The following CCK variants were observed in gnomAD, a reference collection of about 807,000 sequenced individuals.
CCK encodes the protein cholecystokinin triacontatriapeptide.
Under a neutral mutation model 10.1 loss-of-function variants are expected in CCK, and 11 were observed. That is an observed-to-expected ratio of 1.09 (90% CI 0.69 to 1.81). The LOEUF is 1.81. CCK is among the 40% of genes most tolerant of loss of function. CCK has a pLI of 0.00. For missense variants in CCK, 137 were observed against 159.9 expected, an observed-to-expected ratio of 0.86 and a Z score of 0.77; for synonymous variants, 83 against 71.9, an observed-to-expected ratio of 1.15 and a Z score of -0.78.
intron 4 of CCK, 35 bp downstream of exon 4, chr3:42,263,382 G>T: frequency 1.2e-6 from 2 of 1,614,106 alleles, no homozygotes; most frequent in Non-Finnish European, 1.7e-6. Context: ...TGGGAACAAG[G>T]GCAGAAGTGA....
intron 3 of CCK, 114 bp from the exon 4 acceptor site, chr3:42,263,746 G>T (rs1168594000): frequency 1.1e-5 from 16 of 1,416,718 alleles, no homozygotes; most frequent in Non-Finnish European, 1.4e-5. Flanking sequence ...CTCCAGACCC[G>T]CCAGGCCGCC....
At chr3:42,264,132 G>T (rs557707588) in intron 3 of CCK, among the ~76,000 whole-genome samples, 3 of 144,458 alleles carry the variant, frequency 2.1e-5, no homozygotes, top group Non-Finnish European at 3.0e-5. Flanking sequence ...TTAAAATGTA[G>T]GAGCAATAAA....
rs11571865 is a variant in CCK, at chr3:42,260,019, C to T, written c.215-1788G>A. ...TACCCATAGGCTGAGTAGAGTCAGA[C>T]TATGGCTTATGTGTTGATAAATGAA... is the stretch of plus-strand genomic sequence containing the variant. On this transcript the variant is annotated intron_variant, in intron 4 of 4. Coordinates refer to ENST00000396169, the MANE Select transcript of CCK (RefSeq NM_000729.6). Among the ~76,000 whole-genome samples the T allele has an allele frequency of 6.4e-4, 97 of 152,282 alleles. 1 individual carries two copies. The highest frequency in any genetic ancestry group is 2.3e-3 in the African/African-American group (96 of 41,566).
chr3:42,261,384 T>C (rs1711208442), intron 4 of CCK, among the ~76,000 whole-genome samples: 1 of 152,204 alleles, frequency 6.6e-6, no homozygotes, highest in African/African-American at 2.4e-5. Flanking sequence ...TTCATGTTTG[T>C]CACATAGAAG....
Position 42,263,427 on chromosome 3 carries a change from C to T in CCK, c.204G>A (p.Gln68=). 2 of 1,614,196 alleles carry T rather than the reference C, an allele frequency of 1.2e-6. No individual in the cohort carries two copies. Among genetic ancestry groups the T allele is most frequent in the Non-Finnish European group, 1.7e-6 (2 of 1,180,032 alleles). ...AGGCAGCATTCTTACCTTTCCGGGC[C>T]TGCTGGATGTATCTTGCCAGCAGGG... is the stretch of plus-strand genomic sequence containing the variant. ...LGALLARYIQ[Q]ARKAPSGRMS... Residue 68 remains glutamine, a synonymous_variant, in exon 4 of 5, where the codon CAG becomes CAA. Coordinates refer to ENST00000396169, the MANE Select transcript of CCK (RefSeq NM_000729.6).
chr3:42,263,425 GC>G lies in CCK; in HGVS notation c.205del (p.Ala69ProfsTer24), dbSNP rs1267467432. Reference protein sequence around the residue: ...GALLARYIQQARKAPSGRMSI... With the variant: ...GALLARYIQQXRKAPSGRMSI... ...GGAGGCAGCATTCTTACCTTTCCGG[GC>G]CTGCTGGATGTATCTTGCCAGCAGG... On this transcript the variant is annotated frameshift_variant, in exon 4 of 5. Coordinates refer to ENST00000396169, the MANE Select transcript of CCK (RefSeq NM_000729.6). LOFTEE classifies it high-confidence loss of function. 1 of 1,614,024 alleles carries G rather than the reference GC, an allele frequency of 6.2e-7. No homozygotes were observed. The highest frequency in any genetic ancestry group is 2.2e-5 in the East Asian group (1 of 44,874).
At chr3:42,262,000 T>C (rs901352668) in intron 4 of CCK, among the ~76,000 whole-genome samples, 1 of 152,164 alleles carries the variant, frequency 6.6e-6, no homozygotes, top group African/African-American at 2.4e-5. Context: ...CACTGATTTG[T>C]TCTTTCCTTC....
At chr3:42,265,602 C>T (rs1434863952) in intron 1 of CCK, 82 bp downstream of exon 1, 3 of 152,320 alleles carry the variant, frequency 2.0e-5, no homozygotes, top group African/African-American at 7.2e-5. Context: ...ACCACCGCAC[C>T]CCCGCAAGCT....
At chr3:42,258,747 CGTT>C (rs1233188812) in intron 4 of CCK, among the ~76,000 whole-genome samples, 1 of 152,026 alleles carries the variant, frequency 6.6e-6, no homozygotes, top group Non-Finnish European at 1.5e-5. Flanking sequence ...AAAAAAAAAT[CGTT>C]GGTGGGAGTG....
chr3:42,263,345 T>C, intron 4 of CCK, 72 bp downstream of exon 4: 1 of 1,610,298 alleles, frequency 6.2e-7, no homozygotes, highest in Non-Finnish European at 8.5e-7. Flanking sequence ...AGGCTAGCGC[T>C]AGAGAAGAGG....
Position 42,263,492 on chromosome 3 carries a change from A to G in CCK, c.139T>C (p.Ser47Pro). 1.2e-6 allele frequency: 2 copies of G among 1,614,096 alleles called. No individual in the cohort carries two copies. The highest frequency in any genetic ancestry group is 1.7e-6 in the Non-Finnish European group (2 of 1,180,008). Residue 47 changes from serine (S) to proline (P), a missense_variant, in exon 4 of 5, where the codon TCG becomes CCG. Transcript: ENST00000396169. ...EEAPRRQLRV[S>P]QRTDGESRAH... ...CGGGACTCGCCATCCGTTCTCTGCGATACCCTCAGCTGCCTACGGGGCGCC... is the reference window on the plus strand; with the variant it reads ...CGGGACTCGCCATCCGTTCTCTGCGGTACCCTCAGCTGCCTACGGGGCGCC...
At chr3:42,258,329 A>G (rs534428112) in intron 4 of CCK, 98 bp from the exon 5 acceptor site, 1 of 1,321,894 alleles carries the variant, frequency 7.6e-7, no homozygotes, top group Non-Finnish European at 1.1e-6. Context: ...CAGACGCAAT[A>G]TAACAGACAC....
intron 4 of CCK, among the ~76,000 whole-genome samples, chr3:42,259,552 G>A (rs1711185005): frequency 6.6e-6 from 1 of 152,062 alleles, no homozygotes; most frequent in Non-Finnish European, 1.5e-5. Flanking sequence ...ACCTCAGTAA[G>A]ACTCAAAGAA....
In CCK at chr3:42,263,738, C is replaced by G. The variant is rs1429041469; in HGVS notation, c.-2-106G>C. The G allele has an allele frequency of 9.8e-6, 14 of 1,425,008 alleles. No homozygotes were observed. In the African/African-American group the frequency reaches 2.0e-4, roughly 21 times the overall value. The allele number at this position is 1,425,008 out of a possible 1,614,324, so 88.3% of individuals were successfully genotyped here. On this transcript the variant is annotated intron_variant, in intron 3 of 4. Transcript: ENST00000396169. ...CGGGCTTAGGACAAACACAGGTGCT[C>G]CAGACCCGCCAGGCCGCCGCAAGCA... is the stretch of plus-strand genomic sequence containing the variant.
chr3:42,258,295 G>A, intron 4 of CCK, 64 bp from the exon 5 acceptor site: 1 of 1,556,566 alleles, frequency 6.4e-7, no homozygotes, highest in Non-Finnish European at 8.7e-7. Context: ...AGTTCAATTT[G>A]GGAAGGAGAG....
chr3:42,262,748 C>A (rs545766641), intron 4 of CCK, among the ~76,000 whole-genome samples: 1 of 115,182 alleles, frequency 8.7e-6, no homozygotes, highest in South Asian at 3.6e-4. Context: ...TGCCTGCATG[C>A]CACTCGGCTA....
chr3:42,263,388 A>C, intron 4 of CCK, 29 bp downstream of exon 4: 1 of 1,614,116 alleles, frequency 6.2e-7, no homozygotes, highest in Non-Finnish European at 8.5e-7. Flanking sequence ...CAAGGGCAGA[A>C]GTGAGGGATG....
At chr3:42,261,969 A>G (rs1711220848) in intron 4 of CCK, among the ~76,000 whole-genome samples, 1 of 152,206 alleles carries the variant, frequency 6.6e-6, no homozygotes, top group South Asian at 2.1e-4. Context: ...TTTCCCAAAG[A>G]CAGGAAGAAA....
At chr3:42,261,608 C>CTTTTTTTTTT (rs3073696) in intron 4 of CCK, among the ~76,000 whole-genome samples, 3 of 145,620 alleles carry the variant, frequency 2.1e-5, no homozygotes, top group Non-Finnish European at 1.5e-5. Context: ...TGGTAATGAG[C>CTTTTTTTTTT]TTTTTTTTTT....
Sources: allele counts gnomAD v4.1 joint callset (sites outside exome capture counted in the v4.1 genomes callset), GRCh38; gene constraint gnomAD v4.1.1; transcripts MANE v1.5; gene names NCBI Gene and HGNC (gene_info 2026-07-23, HGNC 2026-07-21).